The following PDE8A variants were observed in gnomAD, a reference collection of about 807,000 sequenced individuals.
The protein encoded by PDE8A is high affinity cAMP-specific and IBMX-insensitive 3',5'-cyclic phosphodiesterase 8A.
PDE8A carries 59 observed loss-of-function variants against 105.0 expected under a neutral mutation model. The observed-to-expected ratio is 0.56, with a 90% confidence interval of 0.46 to 0.70. The LOEUF (loss-of-function observed/expected upper bound fraction) is 0.70. Ranked by LOEUF, PDE8A falls within the 30% of genes least tolerant of loss-of-function variation. PDE8A has a pLI of 0.00. For missense variants in PDE8A, 1,014 were observed against 1,045.9 expected (o/e 0.97, Z 0.42); for synonymous variants, 355 against 371.9 (o/e 0.95, Z 0.52).
At position 85,080,712 on chromosome 15, in the gene PDE8A, T is replaced by C. The variant is rs575865968; in HGVS notation, c.547-2844T>C. ...AAGGTCAAGTAAATCATGGTCCTTA[T>C]ATTTTCTTAGTATTACTGTGTTATC... is the stretch of plus-strand genomic sequence containing the variant. On this transcript the variant is annotated intron_variant, in intron 5 of 21. Transcript: ENST00000394553. 9.8e-5 allele frequency among the ~76,000 whole-genome samples: 15 copies of C among 152,300 alleles called. No individual in the cohort carries two copies. In the South Asian group the frequency reaches 2.7e-3, roughly 27 times the overall value.
intron 11 of PDE8A, among the ~76,000 whole-genome samples, chr15:85,103,130 G>A (rs1304651434): frequency 6.6e-6 from 1 of 152,084 alleles, no homozygotes. Context: ...GCTGAGGCAC[G>A]AGAATTGCTT....
rs879836030 is a variant in PDE8A, at chr15:85,072,696, T to A, written c.435-3166T>A. On this transcript the variant is annotated intron_variant, in intron 3 of 21. Coordinates refer to ENST00000394553, the MANE Select transcript of PDE8A (RefSeq NM_002605.3). ...TGCAGAGTCCATGGCAGCCCTGGAC[T>A]GTCTCCTCTGCACATTTTTGATGTG... Among the ~76,000 whole-genome samples the A allele has an allele frequency of 6.6e-3, 1,005 of 152,358 alleles. 8 individuals carry two copies. Among genetic ancestry groups the A allele is most frequent in the Middle Eastern group, 0.031 (9 of 294 alleles).
In PDE8A at chr15:84,982,082, G is replaced by A. The variant is rs2142129926; in HGVS notation, c.-81G>A. The stretch of plus-strand genomic sequence containing the variant: ...CAGGCGGCGATGACACGGCGCCCGC[G>A]GCGGCCCGGAGGCGCCGGGTGGGCC... On this transcript the variant is annotated 5_prime_UTR_variant, in exon 1 of 22. Transcript: ENST00000394553. 9 of 929,326 alleles carry A rather than the reference G, an allele frequency of 9.7e-6. No individual in the cohort carries two copies. Among genetic ancestry groups the A allele is most frequent in the Non-Finnish European group, 1.2e-5 (9 of 724,052 alleles). The allele number at this position is 929,326 out of a possible 1,614,324, so 57.6% of individuals were successfully genotyped here.
At chr15:85,026,471 C>T (rs972819195) in intron 1 of PDE8A, among the ~76,000 whole-genome samples, 1 of 152,034 alleles carries the variant, frequency 6.6e-6, no homozygotes, top group African/African-American at 2.4e-5. Context: ...TTTAGAGAGC[C>T]AGTGTTCCAA....
chr15:85,093,534 T>A (rs1396412015), intron 8 of PDE8A, among the ~76,000 whole-genome samples: 2 of 151,438 alleles, frequency 1.3e-5, no homozygotes, highest in African/African-American at 2.4e-5. Flanking sequence ...GACCTTGGAG[T>A]GTCAGATGCT....
At chr15:85,083,430 A>G in intron 5 of PDE8A, 126 bp from the exon 6 acceptor site, 1 of 613,320 alleles carries the variant, frequency 1.6e-6, no homozygotes, top group Non-Finnish European at 2.9e-6. Flanking sequence ...TCTGTTCATC[A>G]TTAATGATAA....
At chr15:85,007,298 G>A (rs1464012686) in intron 1 of PDE8A, among the ~76,000 whole-genome samples, 1 of 151,788 alleles carries the variant, frequency 6.6e-6, no homozygotes, top group Non-Finnish European at 1.5e-5. Flanking sequence ...CAGCATGGGT[G>A]GTGGTGGTAA....
At chr15:84,992,619 TGGTTCAGGC>T (rs2079904017) in intron 1 of PDE8A, among the ~76,000 whole-genome samples, 1 of 152,032 alleles carries the variant, frequency 6.6e-6, no homozygotes, top group African/African-American at 2.4e-5. Context: ...CCTATTGCAG[TGGTTCAGGC>T]ACAAGGTATG....
intron 15 of PDE8A, 110 bp from the exon 16 acceptor site, chr15:85,115,874 T>C (rs2082088036): frequency 7.2e-6 from 7 of 965,746 alleles, no homozygotes; most frequent in Non-Finnish European, 1.1e-5. Flanking sequence ...GAGCTGAGAC[T>C]GTACCACAAC....
chr15:85,125,711 A>C (rs762567472), intron 19 of PDE8A, among the ~76,000 whole-genome samples: 16 of 152,194 alleles, frequency 1.1e-4, no homozygotes, highest in Admixed American at 2.6e-4. Flanking sequence ...TTATCTTGGG[A>C]ATCTGCCCTA....
At chr15:85,077,030 A>G (rs1596494476) in intron 5 of PDE8A, among the ~76,000 whole-genome samples, 1 of 152,206 alleles carries the variant, frequency 6.6e-6, no homozygotes, top group African/African-American at 2.4e-5. Flanking sequence ...TACTTAAAAA[A>G]AAAATTACTG....
At chr15:85,048,148 T>C (rs2080916488) in intron 1 of PDE8A, among the ~76,000 whole-genome samples, 1 of 152,108 alleles carries the variant, frequency 6.6e-6, no homozygotes, top group Non-Finnish European at 1.5e-5. Flanking sequence ...TTCATTACTT[T>C]TGTGAGTTAA....
At chr15:85,134,184 C>A (rs1323320852) in intron 20 of PDE8A, among the ~76,000 whole-genome samples, 1 of 152,230 alleles carries the variant, frequency 6.6e-6, no homozygotes, top group East Asian at 1.9e-4. Flanking sequence ...CTTCAGCCAG[C>A]CAGCTGCTTA....
At chr15:85,113,246 G>T in intron 12 of PDE8A, 131 bp from the exon 13 acceptor site, 1 of 765,216 alleles carries the variant, frequency 1.3e-6, no homozygotes, top group South Asian at 1.5e-5. Flanking sequence ...TTGTTAGGAT[G>T]GGAAGGAAGC....
chr15:85,016,299 C>T (rs998746352), intron 1 of PDE8A, among the ~76,000 whole-genome samples: 61 of 152,048 alleles, frequency 4.0e-4, no homozygotes, highest in African/African-American at 1.5e-3. Flanking sequence ...TACCCATGTA[C>T]TCAATGGTTT....
chr15:85,137,272 T>C (rs1460094596), intron 21 of PDE8A, among the ~76,000 whole-genome samples: 1 of 152,170 alleles, frequency 6.6e-6, no homozygotes, highest in African/African-American at 2.4e-5. Flanking sequence ...ACTGAAGCAG[T>C]GGAGCTAGAT....
upstream of PDE8A, among the ~76,000 whole-genome samples, chr15:84,981,091 A>AC (rs1358773927): frequency 3.3e-5 from 5 of 152,026 alleles, no homozygotes; most frequent in African/African-American, 7.2e-5. Context: ...ACACTTGGTG[A>AC]CCCCACCGAG....
chr15:85,075,043 C>T (rs1043151073), intron 3 of PDE8A, among the ~76,000 whole-genome samples: 1 of 152,182 alleles, frequency 6.6e-6, no homozygotes, highest in African/African-American at 2.4e-5. Flanking sequence ...AGAGTCTGCT[C>T]GCTTCTCCCA....
chr15:85,068,018 A>G (rs2081256930), intron 3 of PDE8A, among the ~76,000 whole-genome samples: 1 of 151,642 alleles, frequency 6.6e-6, no homozygotes, highest in Admixed American at 6.6e-5. Context: ...ACTTCACAAT[A>G]AGCCATCATC....
Sources: allele counts gnomAD v4.1 joint callset (sites outside exome capture counted in the v4.1 genomes callset), GRCh38; gene constraint gnomAD v4.1.1; transcripts MANE v1.5; gene names NCBI Gene and HGNC (gene_info 2026-07-23, HGNC 2026-07-21).